Variants in RASAL2 observed in about 807,000 individuals in gnomAD.
RASAL2 encodes the protein RAS protein activator like 2, also known as ras GTPase-activating protein nGAP.
A neutral mutation model predicts 128.9 loss-of-function variants in RASAL2; 58 were observed. The ratio of observed to expected loss-of-function variants is 0.45; its 90% confidence interval spans 0.36 to 0.56. The LOEUF (loss-of-function observed/expected upper bound fraction) is 0.56, where lower values mean the gene tolerates loss of function less well. RASAL2 is among the 20% of genes least tolerant of loss of function. The probability of loss-of-function intolerance (pLI) is 0.00; values close to 1 mark genes in which losing one functional copy is unlikely to be tolerated. For missense variants in RASAL2, 1,360 were observed against 1,601.6 expected, an observed-to-expected ratio of 0.85 and a Z score of 2.57; for synonymous variants, 561 against 580.8, an observed-to-expected ratio of 0.97 and a Z score of 0.49.
intron 1 of RASAL2, among the ~76,000 whole-genome samples, chr1:178,104,179 A>G (rs1659007591): frequency 1.3e-5 from 2 of 152,044 alleles, no homozygotes; most frequent in South Asian, 4.2e-4. Flanking sequence ...ATCCAATTTC[A>G]TTTTTTGAAA....
At chr1:178,311,253 AACAC>A (rs67243509) in intron 3 of RASAL2, among the ~76,000 whole-genome samples, 14,157 of 143,656 alleles carry the variant, frequency 0.099, 685 homozygotes, top group Middle Eastern at 0.14. Flanking sequence ...CACACACACA[AACAC>A]ACACACACAC....
Position 178,122,372 on chromosome 1 carries a change from C to G in RASAL2, c.202+27678C>G, listed in dbSNP as rs147340483. ...GAGTGTTTGGGGATACACATTAAGTCAAAAAGAAACTAATGCTGCCTGCTT... is the reference window on the plus strand; with the variant it reads ...GAGTGTTTGGGGATACACATTAAGTGAAAAAGAAACTAATGCTGCCTGCTT... On this transcript the variant is annotated intron_variant, in intron 1 of 17. Transcript: ENST00000367649. 1.7e-3 allele frequency among the ~76,000 whole-genome samples: 255 copies of G among 152,182 alleles called. 1 individual carries two copies. The highest frequency in any genetic ancestry group is 5.9e-3 in the African/African-American group (247 of 41,514).
At position 178,474,300 on chromosome 1, in the gene RASAL2, T is replaced by A. The variant is rs1456207890; in HGVS notation, c.*1061T>A. 6.6e-6 allele frequency: 1 copy of A among 152,636 alleles called. No homozygotes were observed. Among genetic ancestry groups the A allele is most frequent in the African/African-American group, 2.4e-5 (1 of 41,450 alleles). The allele number at this position is 152,636 out of a possible 1,614,324, so 9.5% of individuals were successfully genotyped here. A position where few individuals can be genotyped will look rare whatever the true frequency, so the allele number is the denominator to read the frequency against. On this transcript the variant is annotated 3_prime_UTR_variant, in exon 18 of 18. Transcript: ENST00000367649. ...AATTTTTTCTATGTGTTGTTATAAT[T>A]TTTGTTTGGGATAAAGACTCTATCC...
chr1:178,122,053 C>T (rs1317265186), intron 1 of RASAL2, among the ~76,000 whole-genome samples: 1 of 151,948 alleles, frequency 6.6e-6, no homozygotes, highest in Non-Finnish European at 1.5e-5. Context: ...TAGACTGCCT[C>T]GTTTTTATTT....
At chr1:178,096,277 T>A (rs1247938901) in intron 1 of RASAL2, among the ~76,000 whole-genome samples, 1 of 152,194 alleles carries the variant, frequency 6.6e-6, no homozygotes, top group Non-Finnish European at 1.5e-5. Context: ...ATGTTAGAAA[T>A]AGGGCCATGC....
intron 1 of RASAL2, among the ~76,000 whole-genome samples, chr1:178,245,852 A>G (rs1664745041): frequency 6.6e-6 from 1 of 152,120 alleles, no homozygotes; most frequent in African/African-American, 2.4e-5. Flanking sequence ...TTTTTTGGTC[A>G]GGTTTGTCAA....
rs112250513 is a variant in RASAL2 at position 178,165,213 on chromosome 1, A to G, written c.202+70519A>G. 4.3e-3 allele frequency among the ~76,000 whole-genome samples: 655 copies of G among 152,226 alleles called. 3 individuals carry two copies. The highest frequency in any genetic ancestry group is 0.014 in the African/African-American group (576 of 41,544). ...TACATATATATGTGTGTGTGTATCT[A>G]TAGTTACACATATATGTGTATATAT... On this transcript the variant is annotated intron_variant, in intron 1 of 17. Transcript: ENST00000367649.
intron 1 of RASAL2, among the ~76,000 whole-genome samples, chr1:178,240,001 C>T (rs1230424846): frequency 6.6e-6 from 1 of 151,834 alleles, no homozygotes; most frequent in Non-Finnish European, 1.5e-5. Context: ...ATCCCTTAGC[C>T]TATAATAAAA....
intron 3 of RASAL2, 72 bp downstream of exon 3, chr1:178,300,190 AC>A: frequency 6.8e-7 from 1 of 1,469,770 alleles, no homozygotes; most frequent in Non-Finnish European, 9.2e-7. Flanking sequence ...ACTGAGTAAA[AC>A]AGAACATCCT....
intron 1 of RASAL2, among the ~76,000 whole-genome samples, chr1:178,237,293 G>A (rs1664294271): frequency 6.6e-6 from 1 of 152,020 alleles, no homozygotes; most frequent in East Asian, 1.9e-4. Flanking sequence ...TCAGGAACTT[G>A]AGAGCATCGC....
At chr1:178,220,985 A>G (rs952680846) in intron 1 of RASAL2, among the ~76,000 whole-genome samples, 1 of 152,220 alleles carries the variant, frequency 6.6e-6, no homozygotes, top group African/African-American at 2.4e-5. Context: ...TTAGTTTTTA[A>G]AGAAACTGCC....
At chr1:178,199,306 G>C (rs998113885) in intron 1 of RASAL2, among the ~76,000 whole-genome samples, 2 of 152,184 alleles carry the variant, frequency 1.3e-5, no homozygotes, top group Non-Finnish European at 2.9e-5. Context: ...TCCGTGGGCT[G>C]TACCCACTTT....
chr1:178,378,746 G>A (rs898614662), intron 3 of RASAL2, among the ~76,000 whole-genome samples: 1 of 152,112 alleles, frequency 6.6e-6, no homozygotes, highest in Non-Finnish European at 1.5e-5. Flanking sequence ...TGAAAATAGT[G>A]TATATCAAAA....
Position 178,452,594 on chromosome 1 carries a change from A to G in RASAL2, c.1951A>G (p.Thr651Ala). The part of the protein sequence containing the change: ...NLMQEYPDDR[T>A]SRTLTLIAKV... ...TATGCAGGAGTATCCTGATGACCGC[A>G]CATCTCGGACTCTAACTCTTATTGC... The change falls in exon 11 of 18, where the codon ACA becomes GCA. Residue 651 changes from threonine to alanine, a missense_variant. Around this residue, in one of 3 missense-constraint regions of RASAL2, gnomAD observed 741 missense variants for 868.6 expected, o/e 0.85. Coordinates refer to ENST00000367649, the MANE Select transcript of RASAL2 (RefSeq NM_170692.4). The G allele has an allele frequency of 4.3e-6, 7 of 1,614,070 alleles. No individual in the cohort carries two copies. Among genetic ancestry groups the G allele is most frequent in the Non-Finnish European group, 5.9e-6 (7 of 1,179,968 alleles).
At chr1:178,290,897 C>T (rs1285732272) in intron 2 of RASAL2, among the ~76,000 whole-genome samples, 5 of 151,918 alleles carry the variant, frequency 3.3e-5, no homozygotes, top group Non-Finnish European at 7.4e-5. Context: ...AGGATGGTCT[C>T]GATCTCCTGA....
chr1:178,399,410 T>C (rs1206478309), intron 4 of RASAL2, among the ~76,000 whole-genome samples: 1 of 152,060 alleles, frequency 6.6e-6, no homozygotes, highest in Non-Finnish European at 1.5e-5. Context: ...ACAAGCCTCT[T>C]GCCTATCTCC....
chr1:178,192,034 CTG>C (rs534714899), intron 1 of RASAL2, among the ~76,000 whole-genome samples: 3 of 152,058 alleles, frequency 2.0e-5, no homozygotes, highest in African/African-American at 4.8e-5. Flanking sequence ...ATAACACAGA[CTG>C]TGGAGGTGAA....
At chr1:178,174,148 A>G (rs1353403618) in intron 1 of RASAL2, among the ~76,000 whole-genome samples, 1 of 152,086 alleles carries the variant, frequency 6.6e-6, no homozygotes, top group Non-Finnish European at 1.5e-5. Context: ...ATGATATGAA[A>G]AACGTATTAG....
At chr1:178,188,848 A>G (rs924061731) in intron 1 of RASAL2, among the ~76,000 whole-genome samples, 3 of 152,144 alleles carry the variant, frequency 2.0e-5, no homozygotes, top group African/African-American at 7.2e-5. Flanking sequence ...CACAGGAGTC[A>G]CTAAAAGTAC....
Sources: gnomAD v4.1 joint callset for allele counts (sites outside exome capture counted in the v4.1 genomes callset) on GRCh38, gnomAD v4.1.1 for gene constraint, gnomAD v4.1.1 regional missense constraint, MANE v1.5 for transcripts, NCBI Gene and HGNC (gene_info 2026-07-23, HGNC 2026-07-21) for gene names.